The following SPATA18 variants were observed in gnomAD, a reference collection of about 807,000 sequenced individuals.
The protein encoded by SPATA18 is spermatogenesis associated 18, also known as mitochondria-eating protein.
Under a neutral mutation model 68.1 loss-of-function variants are expected in SPATA18, and 54 were observed. The observed-to-expected ratio is 0.79, with a 90% CI of 0.64 to 0.99. The LOEUF is 0.99. Among genes scored for constraint, SPATA18 ranks in the 50% least tolerant of loss-of-function variants. The pLI, the probability that SPATA18 is intolerant of heterozygous loss-of-function variation, is 0.00. For synonymous variants in SPATA18, 242 were observed against 244.8 expected (o/e 0.99, Z 0.11); for missense variants, 724 against 681.1 (o/e 1.06, Z -0.70).
intron 11 of SPATA18, among the ~76,000 whole-genome samples, chr4:52,088,705 T>C (rs968935280): frequency 8.2e-4 from 125 of 152,306 alleles, no homozygotes; most frequent in Non-Finnish European, 1.6e-3. Flanking sequence ...TGAGGATTTT[T>C]GCATCGATGT....
At chr4:52,092,259 A>AG (rs1198255854) in intron 11 of SPATA18, among the ~76,000 whole-genome samples, 1 of 151,146 alleles carries the variant, frequency 6.6e-6, no homozygotes, top group East Asian at 2.0e-4. Context: ...GGGATATGGG[A>AG]GAAAAAAAAA....
At position 52,060,526 on chromosome 4, in the gene SPATA18, T is replaced by C. The variant is rs774218221; in HGVS notation, c.193+2T>C. 1.9e-6 allele frequency: 3 copies of C among 1,613,104 alleles called. No homozygotes were observed. The South Asian group carries it at 3.3e-5, about 18-fold the overall frequency. On this transcript the variant is annotated splice_donor_variant, in intron 2 of 12. Transcript: ENST00000295213. LOFTEE classifies it high-confidence loss of function. Reference sequence around the variant, plus strand: ...TCCTCACAGCAGCAGCCCAAGAAGGTGAGAATGGCCTGTAATTTCCCATCC... The same window carrying C: ...TCCTCACAGCAGCAGCCCAAGAAGGCGAGAATGGCCTGTAATTTCCCATCC...
intron 4 of SPATA18, among the ~76,000 whole-genome samples, chr4:52,069,370 A>G (rs965406952): frequency 5.3e-5 from 8 of 152,218 alleles, no homozygotes; most frequent in Non-Finnish European, 1.2e-4. Context: ...ATAGGTGGGC[A>G]CATAATTTTT....
chr4:52,061,487 A>AAAT (rs3050629), intron 3 of SPATA18, among the ~76,000 whole-genome samples: 5,437 of 143,464 alleles, frequency 0.038, 121 homozygotes, highest in African/African-American at 0.053. Context: ...CCTAAAGTAA[A>AAAT]AATAATAATA....
chr4:52,060,546 C>G, intron 2 of SPATA18, 22 bp downstream of exon 2: 1 of 1,596,372 alleles, frequency 6.3e-7, no homozygotes, highest in Middle Eastern at 1.7e-4. Flanking sequence ...CTGTAATTTC[C>G]CATCCAGTTC....
chr4:52,058,456 A>G (rs1178327034), intron 1 of SPATA18, among the ~76,000 whole-genome samples: 2 of 152,202 alleles, frequency 1.3e-5, no homozygotes, highest in Non-Finnish European at 2.9e-5. Context: ...ACTCCATGCC[A>G]GGTGCGAAAG....
At position 52,071,948 on chromosome 4, in the gene SPATA18, C is replaced by T. The variant is rs139000378; in HGVS notation, c.550C>T (p.Arg184Cys). Residue 184 changes from arginine to cysteine, a missense_variant, in exon 6 of 13, where the codon CGC (arginine) becomes TGC (cysteine). Transcript: ENST00000295213. The stretch of plus-strand genomic sequence containing the variant: ...ATCTCTTCAAGCTCAGGAGGATGCC[C>T]GCCACAGAAACACAGATCAGAGGAG... ...LKSLQAQEDA[R>C]HRNTDQRSSE... The T allele has an allele frequency of 1.7e-4, 270 of 1,613,702 alleles. No homozygotes were observed. Among genetic ancestry groups the T allele is most frequent in the African/African-American group, 6.4e-4 (48 of 74,928 alleles).
At chr4:52,054,286 T>A (rs140823492) in intron 1 of SPATA18, among the ~76,000 whole-genome samples, 43 of 152,348 alleles carry the variant, frequency 2.8e-4, no homozygotes, top group African/African-American at 1.0e-3. Context: ...TTGCACTCAC[T>A]GTTTTCTCTG....
At chr4:52,070,920 C>A (rs1739782975) in intron 5 of SPATA18, among the ~76,000 whole-genome samples, 2 of 151,830 alleles carry the variant, frequency 1.3e-5, no homozygotes, top group East Asian at 1.9e-4. Flanking sequence ...ACATACACAC[C>A]CCTTTTGATT....
At chr4:52,087,085 A>T (rs543263338) in intron 11 of SPATA18, among the ~76,000 whole-genome samples, 2 of 152,246 alleles carry the variant, frequency 1.3e-5, no homozygotes, top group Admixed American at 1.3e-4. Context: ...GCGTCTGTTC[A>T]TATCCTTTGC....
chr4:52,091,159 A>T (rs1903327), intron 11 of SPATA18, among the ~76,000 whole-genome samples: 19,768 of 151,806 alleles, frequency 0.13, 1,489 homozygotes, highest in South Asian at 0.28. Flanking sequence ...GTTCTTCTCT[A>T]CATTGGTTAT....
intron 11 of SPATA18, among the ~76,000 whole-genome samples, chr4:52,088,216 A>G (rs938794806): frequency 6.6e-6 from 1 of 152,168 alleles, no homozygotes; most frequent in African/African-American, 2.4e-5. Flanking sequence ...GTCATCTGCA[A>G]ACAGAGACAA....
chr4:52,060,640 C>A (rs897741658), intron 2 of SPATA18, 116 bp downstream of exon 2: 2 of 1,147,618 alleles, frequency 1.7e-6, no homozygotes, highest in African/African-American at 1.5e-5. Context: ...GACCTGATGA[C>A]CTGATGTGTG....
At chr4:52,079,615 T>A (rs1578186426) in intron 8 of SPATA18, 129 bp from the exon 9 acceptor site, 4 of 1,065,286 alleles carry the variant, frequency 3.8e-6, no homozygotes, top group African/African-American at 3.2e-5. Context: ...ACATTCACTG[T>A]TTTTCTGCTT....
intron 4 of SPATA18, among the ~76,000 whole-genome samples, chr4:52,063,810 G>A (rs148980522): frequency 9.2e-5 from 14 of 152,136 alleles, no homozygotes; most frequent in East Asian, 5.8e-4. Context: ...CTAGTGTCTC[G>A]TGCTGATGGG....
chr4:52,087,076 C>T lies in SPATA18; in HGVS notation c.1563+2077C>T, dbSNP rs563781331. On this transcript the variant is annotated intron_variant, in intron 11 of 12. Coordinates refer to ENST00000295213, the MANE Select transcript of SPATA18 (RefSeq NM_145263.4). ...TGCATAAATGTCTTCTTTGGAAAAG[C>T]GTCTGTTCATATCCTTTGCCCACTT... Among the ~76,000 whole-genome samples, 257 of 152,206 alleles carry T rather than the reference C, an allele frequency of 1.7e-3. 1 individual carries two copies. The highest frequency in any genetic ancestry group is 5.7e-3 in the African/African-American group (235 of 41,540).
chr4:52,082,401 A>G lies in SPATA18; in HGVS notation c.1370A>G (p.Tyr457Cys), dbSNP rs368519605. 1 of 1,613,984 alleles carries G rather than the reference A, an allele frequency of 6.2e-7. No homozygotes were observed. Among genetic ancestry groups the G allele is most frequent in the Non-Finnish European group, 8.5e-7 (1 of 1,179,898 alleles). ...ATTGAAAACAGATACCGCCGCAGCT[A>G]CGACTCGGATTTCACTGCTCCCTTA... ...VFNDCKYRRS[Y>C]DSDFTAPLVL... Residue 457 changes from tyrosine (Y) to cysteine (C), a missense_variant, in exon 10 of 13, where the codon TAC (tyrosine) becomes TGC (cysteine). Coordinates refer to ENST00000295213, the MANE Select transcript of SPATA18 (RefSeq NM_145263.4).
chr4:52,078,744 C>A lies in SPATA18; in HGVS notation c.1030C>A (p.His344Asn). The change falls in exon 8 of 13, where the codon CAT (histidine) becomes AAT (asparagine). Residue 344 changes from histidine to asparagine, a missense_variant. Transcript: ENST00000295213. Reference sequence around the variant, plus strand: ...GCATTTTTATGTGCAGGAGGCATTCCATGTAGCAAAAATGGCATTCAGACA... The same window carrying A: ...GCATTTTTATGTGCAGGAGGCATTCAATGTAGCAAAAATGGCATTCAGACA... Reference protein sequence around the residue: ...IIYIATVEAFHVAKMAFRHFK... With the variant: ...IIYIATVEAFNVAKMAFRHFK... 1 of 1,573,580 alleles carries A rather than the reference C, an allele frequency of 6.4e-7. No individual in the cohort carries two copies. Among genetic ancestry groups the A allele is most frequent in the Non-Finnish European group, 8.7e-7 (1 of 1,148,604 alleles).
rs1742363404 is a variant in SPATA18, at chr4:52,095,699, T to C, written c.*812T>C. ...TTAATGCATGTGTTATATATAAAAGTTTCTTGGGACATGCTCTTCACCTGT... is the reference window on the plus strand; with the variant it reads ...TTAATGCATGTGTTATATATAAAAGCTTCTTGGGACATGCTCTTCACCTGT... On this transcript the variant is annotated 3_prime_UTR_variant, in exon 13 of 13. Coordinates refer to ENST00000295213, the MANE Select transcript of SPATA18 (RefSeq NM_145263.4). 1 of 152,170 alleles carries C rather than the reference T, an allele frequency of 6.6e-6. No homozygotes were observed. Among genetic ancestry groups the C allele is most frequent in the African/African-American group, 2.4e-5 (1 of 41,454 alleles). The allele number at this position is 152,170 out of a possible 1,614,324, so 9.4% of individuals were successfully genotyped here. A position where few individuals can be genotyped will look rare whatever the true frequency, so the allele number is the denominator to read the frequency against.
Sources: allele counts gnomAD v4.1 joint callset (sites outside exome capture counted in the v4.1 genomes callset), GRCh38; gene constraint gnomAD v4.1.1; transcripts MANE v1.5; gene names NCBI Gene and HGNC (gene_info 2026-07-23, HGNC 2026-07-21).